CELF2: variants seen among roughly 807,000 people sequenced by gnomAD.
The protein encoded by CELF2 is CUGBP Elav-like family member 2.
CELF2 carries 8 observed loss-of-function variants against 62.6 expected under a neutral mutation model. The observed-to-expected ratio is 0.13, with a 90% CI of 0.07 to 0.23. CELF2 has a LOEUF of 0.23. Among genes scored for constraint, CELF2 ranks in the 10% least tolerant of loss-of-function variants. The pLI is 1.00. For missense variants in CELF2, 333 were observed against 671.0 expected, an observed-to-expected ratio of 0.50 and a Z score of 5.56; for synonymous variants, 258 against 250.0, an observed-to-expected ratio of 1.03 and a Z score of -0.30.
At chr10:11,126,100 A>G (rs923878370) in intron 1 of CELF2, among the ~76,000 whole-genome samples, 14 of 152,360 alleles carry the variant, frequency 9.2e-5, no homozygotes, top group African/African-American at 3.1e-4. Flanking sequence ...TGAGTAGTCA[A>G]GATACGCTGT....
At chr10:10,798,853 G>T in intron 1 of CELF2, 1 of 398,958 alleles carries the variant, frequency 2.5e-6, no homozygotes, top group South Asian at 1.3e-4. Context: ...ATCCTGGTTT[G>T]AGTTCATAGC....
the CELF2 span, among the ~76,000 whole-genome samples, chr10:10,669,410 G>A: frequency 0.021 from 3,128 of 152,330 alleles, 46 homozygotes; most frequent in South Asian, 0.036. Flanking sequence ...AATTGAGACA[G>A]AGAGAGACCA....
At chr10:10,984,422 GATA>G (rs1304432101) in intron 2 of CELF2, among the ~76,000 whole-genome samples, 3 of 152,206 alleles carry the variant, frequency 2.0e-5, no homozygotes, top group Admixed American at 6.5e-5. Flanking sequence ...TAGCTAGATG[GATA>G]ATTGTACAGC....
At chr10:10,519,319 G>T in the CELF2 span, among the ~76,000 whole-genome samples, 1 of 152,136 alleles carries the variant, frequency 6.6e-6, no homozygotes, top group Non-Finnish European at 1.5e-5. Context: ...AATCTTCTAT[G>T]CAAATGAATA....
chr10:10,913,895 G>GA (rs2064078583), intron 1 of CELF2, among the ~76,000 whole-genome samples: 2 of 36,080 alleles, frequency 5.5e-5, no homozygotes, highest in African/African-American at 1.7e-4. Context: ...AGAAGGAAGG[G>GA]AGGGAGGGAG....
At chr10:10,532,929 T>C in the CELF2 span, among the ~76,000 whole-genome samples, 145,293 of 150,948 alleles carry the variant, frequency 0.96, 69,962 homozygotes, top group Middle Eastern at 0.98. Context: ...CAAGAAGACA[T>C]CTTGCAAATA....
At chr10:10,602,823 G>A in the CELF2 span, among the ~76,000 whole-genome samples, 93 of 152,098 alleles carry the variant, frequency 6.1e-4, 2 homozygotes, top group Admixed American at 5.7e-3. Context: ...AACAGGAGCC[G>A]GTCTTCTGTT....
intron 2 of CELF2, among the ~76,000 whole-genome samples, chr10:10,920,454 G>A (rs2064785379): frequency 1.3e-5 from 2 of 152,104 alleles, no homozygotes; most frequent in African/African-American, 2.4e-5. Context: ...TCATAGTATT[G>A]ATAGTATAAG....
intron 1 of CELF2, among the ~76,000 whole-genome samples, chr10:10,799,420 G>T (rs1480994905): frequency 1.3e-5 from 2 of 152,032 alleles, no homozygotes; most frequent in Non-Finnish European, 2.9e-5. Flanking sequence ...GGAGGTGGAG[G>T]TTGCAGTGAG....
the CELF2 span, among the ~76,000 whole-genome samples, chr10:10,512,570 C>T: frequency 6.6e-6 from 1 of 150,658 alleles, no homozygotes; most frequent in Admixed American, 6.6e-5. Flanking sequence ...CGCCACCAGG[C>T]CCGGCTAACT....
chr10:10,480,852 C>A, the CELF2 span, among the ~76,000 whole-genome samples: 285 of 152,294 alleles, frequency 1.9e-3, 3 homozygotes, highest in African/African-American at 6.5e-3. Context: ...TTTTCATCTC[C>A]AAACACCATA....
intron 1 of CELF2, among the ~76,000 whole-genome samples, chr10:10,908,214 A>ATTTTGTTTTT (rs2063502992): frequency 1.2e-5 from 1 of 83,738 alleles, no homozygotes; most frequent in Non-Finnish European, 2.1e-5. Flanking sequence ...GTATGAGGGG[A>ATTTTGTTTTT]TTTTTTTTTT....
At chr10:10,721,334 C>A in the CELF2 span, among the ~76,000 whole-genome samples, 1 of 151,786 alleles carries the variant, frequency 6.6e-6, no homozygotes, top group Non-Finnish European at 1.5e-5. Flanking sequence ...CATTTTACCC[C>A]TGTTAATCTA....
At position 11,110,666 on chromosome 10, in the gene CELF2, G is replaced by C. The variant is rs1031719970; in HGVS notation, c.75-54820G>C. Among the ~76,000 whole-genome samples, 1 of 152,200 alleles carries C rather than the reference G, an allele frequency of 6.6e-6. No homozygotes were observed. The highest frequency in any genetic ancestry group is 2.4e-5 in the African/African-American group (1 of 41,436). ...GGGAGATGGCAGTGAGACAGCCAGT[G>C]TGACGTTGAGAGTGTTCTCATGGGT... On this transcript the variant is annotated intron_variant, in intron 1 of 12. Coordinates refer to ENST00000633077, the MANE Select transcript of CELF2 (RefSeq NM_001326342.2). This position sits in a 1 kb window ranked among gnomAD's most constrained non-coding sequence, Gnocchi z 4.0.
At chr10:10,969,275 G>A (rs534380336) in intron 2 of CELF2, among the ~76,000 whole-genome samples, 1 of 152,210 alleles carries the variant, frequency 6.6e-6, no homozygotes, top group South Asian at 2.1e-4. Flanking sequence ...AAAATAAGTG[G>A]GACTTGGGCA....
At position 11,280,982 on chromosome 10, in the gene CELF2, C is replaced by CTGTGTGTGTG. The variant is rs541295992; in HGVS notation, c.841+5868_841+5869insTGTGTGTGTG. ...CTGATGCTGGCGTGCGTGTGCATGC[C>CTGTGTGTGTG]TGTGTGCGTGTGTGTGTGTGTGTGT... On this transcript the variant is annotated intron_variant, in intron 8 of 12. Transcript: ENST00000633077. The surrounding 1 kb of genome is among the most constrained non-coding windows in gnomAD (Gnocchi z 7.6). Among the ~76,000 whole-genome samples the CTGTGTGTGTG allele has an allele frequency of 3.4e-3, 412 of 119,870 alleles. 5 individuals carry two copies. Among genetic ancestry groups the CTGTGTGTGTG allele is most frequent in the Middle Eastern group, 4.0e-3 (1 of 248 alleles). 78.6% of individuals were successfully genotyped at this position (119,870 alleles called of 152,430 possible).
the CELF2 span, among the ~76,000 whole-genome samples, chr10:10,564,685 C>T: frequency 2.2e-5 from 2 of 91,892 alleles, no homozygotes; most frequent in African/African-American, 2.0e-4. Flanking sequence ...CACACACGCA[C>T]ACACACACAC....
At chr10:11,128,484 C>T (rs902957766) in intron 1 of CELF2, among the ~76,000 whole-genome samples, 20 of 152,266 alleles carry the variant, frequency 1.3e-4, no homozygotes, top group African/African-American at 4.1e-4. Context: ...GCCATTTTCA[C>T]GATATTGATT....
intron 1 of CELF2, among the ~76,000 whole-genome samples, chr10:10,917,235 C>T (rs1002070493): frequency 6.6e-6 from 1 of 152,184 alleles, no homozygotes; most frequent in African/African-American, 2.4e-5. Context: ...AGGCCTCAGC[C>T]TCTGTGTTTT....
Sources: gnomAD v4.1 joint callset for allele counts (sites outside exome capture counted in the v4.1 genomes callset) on GRCh38, gnomAD v4.1.1 for gene constraint, Gnocchi (gnomAD v3.1) non-coding constraint, MANE v1.5 for transcripts, NCBI Gene and HGNC (gene_info 2026-07-23, HGNC 2026-07-21) for gene names.